FOXP1: variants seen among roughly 807,000 people sequenced by gnomAD.
FOXP1 encodes the protein forkhead box P1, also known as forkhead box protein P1.
In FOXP1, 15 loss-of-function variants were observed where a neutral mutation model predicts 98.2. That is an observed-to-expected ratio of 0.15 (90% CI 0.10 to 0.24). FOXP1 has a LOEUF of 0.24. FOXP1 is among the 10% of genes least tolerant of loss of function. The pLI, the probability that FOXP1 is intolerant of heterozygous loss-of-function variation, is 1.00. For missense variants in FOXP1, 633 were observed against 848.5 expected (o/e 0.75, Z 3.15); for synonymous variants, 371 against 314.5 (o/e 1.18, Z -1.90).
intron 2 of FOXP1, among the ~76,000 whole-genome samples, chr3:71,539,137 G>A (rs370699333): frequency 2.5e-4 from 21 of 84,178 alleles, no homozygotes; most frequent in South Asian, 9.0e-4. Flanking sequence ...TTTGAGATGG[G>A]GTCTCGCTCT....
chr3:71,005,916 C>T (rs1303628954), intron 12 of FOXP1, among the ~76,000 whole-genome samples: 1 of 152,042 alleles, frequency 6.6e-6, no homozygotes, highest in Non-Finnish European at 1.5e-5. Context: ...CCTGGGCTGG[C>T]TGCGGAAAAA....
intron 4 of FOXP1, among the ~76,000 whole-genome samples, chr3:71,312,602 T>C (rs1576917726): frequency 6.6e-6 from 1 of 152,150 alleles, no homozygotes; most frequent in Non-Finnish European, 1.5e-5. Flanking sequence ...GGCAGGACGA[T>C]TGCTTGAGCC....
chr3:70,973,528 T>C (rs912370084), intron 17 of FOXP1, among the ~76,000 whole-genome samples: 6 of 152,124 alleles, frequency 3.9e-5, no homozygotes, highest in African/African-American at 1.4e-4. Flanking sequence ...TGAAGAGCTT[T>C]TAATATCTCA....
chr3:70,962,782 G>A (rs2033852968), intron 20 of FOXP1, among the ~76,000 whole-genome samples: 1 of 152,288 alleles, frequency 6.6e-6, no homozygotes, highest in African/African-American at 2.4e-5. Context: ...AGACCTTGGG[G>A]AGGGGGAAGG....
At chr3:71,082,877 T>C (rs923351372) in intron 7 of FOXP1, among the ~76,000 whole-genome samples, 5 of 152,136 alleles carry the variant, frequency 3.3e-5, no homozygotes, top group African/African-American at 1.2e-4. Context: ...GGCTAAACAA[T>C]ATGGCTAGCA....
rs1028803835 is a variant in FOXP1, at chr3:71,454,830, G to A, written c.-168+38596C>T. Among the ~76,000 whole-genome samples the A allele has an allele frequency of 4.0e-5, 6 of 151,762 alleles. No homozygotes were observed. The South Asian group carries it at 6.3e-4, about 16-fold the overall frequency. On this transcript the variant is annotated intron_variant, in intron 3 of 20. Transcript: ENST00000649528. ...ACAAAAAAAAAACTGCTTTCTGAGCGCCATCTCTCTCAGACCCACTGAATT... is the reference window on the plus strand; with the variant it reads ...ACAAAAAAAAAACTGCTTTCTGAGCACCATCTCTCTCAGACCCACTGAATT...
At chr3:71,136,822 A>C (rs1250311253) in intron 6 of FOXP1, among the ~76,000 whole-genome samples, 1 of 151,048 alleles carries the variant, frequency 6.6e-6, no homozygotes, top group African/African-American at 2.4e-5. Context: ...AATACAACAA[A>C]AAAAAAAGAT....
At chr3:71,582,905 C>A in intron 1 of FOXP1, 1 of 711,024 alleles carries the variant, frequency 1.4e-6, no homozygotes, top group Non-Finnish European at 1.7e-6. Flanking sequence ...GGGCCCAGGG[C>A]CAGGCACCAC....
intron 5 of FOXP1, among the ~76,000 whole-genome samples, chr3:71,283,983 G>C (rs2071837125): frequency 6.6e-6 from 1 of 152,036 alleles, no homozygotes; most frequent in Non-Finnish European, 1.5e-5. Context: ...CTGTTCCAAT[G>C]AACAATTAAG....
intron 12 of FOXP1, among the ~76,000 whole-genome samples, chr3:71,003,069 G>C (rs533831366): frequency 4.6e-5 from 7 of 152,170 alleles, no homozygotes; most frequent in Non-Finnish European, 1.0e-4. Context: ...CATTTGCTAA[G>C]AACCCAAACG....
At chr3:71,078,505 A>G (rs1251298392) in intron 7 of FOXP1, among the ~76,000 whole-genome samples, 1 of 152,190 alleles carries the variant, frequency 6.6e-6, no homozygotes, top group Non-Finnish European at 1.5e-5. Context: ...GTAAACTTGA[A>G]TGACTTACCC....
intron 7 of FOXP1, among the ~76,000 whole-genome samples, chr3:71,065,457 C>T (rs2052357459): frequency 6.6e-6 from 1 of 152,174 alleles, no homozygotes; most frequent in Non-Finnish European, 1.5e-5. Context: ...CGCTTTTCCT[C>T]GAAAACCTCC....
intron 11 of FOXP1, among the ~76,000 whole-genome samples, chr3:71,023,149 G>C (rs541292161): frequency 2.0e-5 from 3 of 152,196 alleles, no homozygotes; most frequent in African/African-American, 7.2e-5. Context: ...CAACATTTAT[G>C]AACTCCGACC....
intron 4 of FOXP1, among the ~76,000 whole-genome samples, chr3:71,321,008 C>A (rs1017401706): frequency 6.7e-6 from 1 of 150,314 alleles, no homozygotes; most frequent in Non-Finnish European, 1.5e-5. Flanking sequence ...ATAGAATGAG[C>A]AAGGAAGCTA....
At chr3:71,433,786 G>A (rs2084952456) in intron 3 of FOXP1, among the ~76,000 whole-genome samples, 1 of 152,102 alleles carries the variant, frequency 6.6e-6, no homozygotes, top group Admixed American at 6.5e-5. Context: ...TCCCTGACTG[G>A]TTACCTGGAT....
chr3:71,488,108 C>T (rs1177996820), intron 3 of FOXP1, among the ~76,000 whole-genome samples: 1 of 152,086 alleles, frequency 6.6e-6, no homozygotes, highest in Non-Finnish European at 1.5e-5. Context: ...AAATAAATTT[C>T]ACAGCTAATA....
At chr3:71,224,470 T>C (rs1340819396) in intron 5 of FOXP1, among the ~76,000 whole-genome samples, 1 of 152,088 alleles carries the variant, frequency 6.6e-6, no homozygotes, top group African/African-American at 2.4e-5. Flanking sequence ...TGTGGAGGGA[T>C]GTGGATACAG....
intron 3 of FOXP1, among the ~76,000 whole-genome samples, chr3:71,448,112 G>A (rs2086617938): frequency 6.6e-6 from 1 of 152,070 alleles, no homozygotes; most frequent in Non-Finnish European, 1.5e-5. Context: ...GCCAGCCTTG[G>A]GGACGGAACC....
chr3:71,096,724 T>G (rs2056491018), intron 7 of FOXP1, among the ~76,000 whole-genome samples: 1 of 152,212 alleles, frequency 6.6e-6, no homozygotes, highest in African/African-American at 2.4e-5. Context: ...AGTGTTTTAA[T>G]GTAATACAAT....
Sources: gnomAD v4.1 joint callset for allele counts (sites outside exome capture counted in the v4.1 genomes callset) on GRCh38, gnomAD v4.1.1 for gene constraint, MANE v1.5 for transcripts, NCBI Gene and HGNC (gene_info 2026-07-23, HGNC 2026-07-21) for gene names.